The following NRXN3 variants were observed in gnomAD, a reference collection of about 807,000 sequenced individuals.
NRXN3 encodes the protein neurexin 3, also known as neurexin III.
NRXN3 carries 32 observed loss-of-function variants against 137.6 expected under a neutral mutation model. That is an observed-to-expected ratio of 0.23 (90% CI 0.18 to 0.31). The LOEUF is 0.31. NRXN3 is among the 10% of genes least tolerant of loss of function. NRXN3 has a pLI of 1.00. For synonymous variants in NRXN3, 798 were observed against 784.5 expected (o/e 1.02, Z -0.29); for missense variants, 1,574 against 2,062.5 (o/e 0.76, Z 4.59).
chr14:79,594,014 A>C (rs988346421), intron 16 of NRXN3, among the ~76,000 whole-genome samples: 1 of 152,236 alleles, frequency 6.6e-6, no homozygotes, highest in South Asian at 2.1e-4. Flanking sequence ...TTTTGAAAAA[A>C]AGCTTGAATC....
At chr14:79,088,323 T>C (rs1332053311) in intron 15 of NRXN3, among the ~76,000 whole-genome samples, 1 of 149,432 alleles carries the variant, frequency 6.7e-6, no homozygotes, top group African/African-American at 2.6e-5. Flanking sequence ...CCAGGTGAAA[T>C]GGGAGCCCTT....
intron 16 of NRXN3, among the ~76,000 whole-genome samples, chr14:79,527,871 CAAAAA>C (rs33938281): frequency 2.5e-4 from 30 of 118,384 alleles, no homozygotes; most frequent in Admixed American, 4.4e-4. Flanking sequence ...ACTCCTTCGC[CAAAAA>C]AAAAAAAAAA....
At chr14:79,781,610 T>C (rs2099114121) in intron 19 of NRXN3, among the ~76,000 whole-genome samples, 1 of 152,234 alleles carries the variant, frequency 6.6e-6, no homozygotes, top group Admixed American at 6.5e-5. Context: ...TTGATCCTGT[T>C]TTCTTTTTCA....
chr14:79,528,443 AAC>A (rs1292949327), intron 16 of NRXN3, among the ~76,000 whole-genome samples: 5 of 152,200 alleles, frequency 3.3e-5, no homozygotes, highest in Non-Finnish European at 5.9e-5. Context: ...ATGTTTGTAA[AAC>A]ACAGAGCAAA....
chr14:78,486,755 T>A (rs1166402774), intron 4 of NRXN3, among the ~76,000 whole-genome samples: 1 of 152,070 alleles, frequency 6.6e-6, no homozygotes, highest in African/African-American at 2.4e-5. Context: ...ACTTTTATGG[T>A]TTTGTCTATT....
chr14:78,205,565 C>T (rs1169937536), intron 1 of NRXN3, among the ~76,000 whole-genome samples: 1 of 152,208 alleles, frequency 6.6e-6, no homozygotes, highest in Non-Finnish European at 1.5e-5. Flanking sequence ...TGTGGCTTGG[C>T]TTAGGCCAAG....
At chr14:78,682,012 C>A (rs1046000364) in intron 6 of NRXN3, among the ~76,000 whole-genome samples, 4 of 152,016 alleles carry the variant, frequency 2.6e-5, no homozygotes, top group Non-Finnish European at 5.9e-5. Flanking sequence ...CGATTACAGG[C>A]GAGCGCCACC....
At chr14:79,691,949 C>T (rs1420787223) in intron 17 of NRXN3, among the ~76,000 whole-genome samples, 1 of 151,986 alleles carries the variant, frequency 6.6e-6, no homozygotes, top group Non-Finnish European at 1.5e-5. Flanking sequence ...GATTCCCATT[C>T]CATGCCACTT....
intron 15 of NRXN3, among the ~76,000 whole-genome samples, chr14:79,296,690 A>G (rs1173445965): frequency 6.6e-6 from 1 of 152,192 alleles, no homozygotes; most frequent in African/African-American, 2.4e-5. Context: ...ATCACTATTT[A>G]CAAGAGAAAA....
chr14:79,592,112 C>A (rs1602582481), intron 16 of NRXN3, among the ~76,000 whole-genome samples: 2 of 152,250 alleles, frequency 1.3e-5, no homozygotes, highest in Admixed American at 6.5e-5. Context: ...AACCACTGAT[C>A]TGATTTCTAT....
chr14:79,386,074 A>G (rs1476334191), intron 15 of NRXN3, among the ~76,000 whole-genome samples: 2 of 152,166 alleles, frequency 1.3e-5, no homozygotes, highest in African/African-American at 2.4e-5. Flanking sequence ...CACCACTCCT[A>G]TTCAACATGG....
intron 8 of NRXN3, among the ~76,000 whole-genome samples, chr14:78,798,526 T>C (rs1305169141): frequency 6.6e-6 from 1 of 152,152 alleles, no homozygotes; most frequent in African/African-American, 2.4e-5. Context: ...AGGTGCACAG[T>C]GCAAGCTGTC....
At chr14:78,889,838 C>A (rs1487270904) in intron 10 of NRXN3, among the ~76,000 whole-genome samples, 1 of 151,996 alleles carries the variant, frequency 6.6e-6, no homozygotes, top group Non-Finnish European at 1.5e-5. Context: ...GAAAAAGGGT[C>A]TTTGCAGATG....
chr14:78,414,072 A>T lies in NRXN3; in HGVS notation c.757+116212A>T, dbSNP rs1057482289. On this transcript the variant is annotated intron_variant, in intron 4 of 20. Coordinates refer to ENST00000335750, the MANE Select transcript of NRXN3 (RefSeq NM_001330195.2). The stretch of plus-strand genomic sequence containing the variant: ...CTCTTCCTTTGCCTTCTGCCATGAT[A>T]GTGAGGCCTCCCCAGCCATGTGGAA... Among the ~76,000 whole-genome samples the T allele has an allele frequency of 3.3e-5, 5 of 152,268 alleles. No homozygotes were observed. In the East Asian group the frequency reaches 9.7e-4, roughly 29 times the overall value.
chr14:79,065,845 G>A (rs994680489), intron 15 of NRXN3, among the ~76,000 whole-genome samples: 3 of 152,124 alleles, frequency 2.0e-5, no homozygotes, highest in African/African-American at 7.2e-5. Flanking sequence ...GGTGCAGTAT[G>A]TTCAGATTTG....
chr14:78,986,842 G>T (rs1183658797), intron 14 of NRXN3, among the ~76,000 whole-genome samples: 1 of 151,674 alleles, frequency 6.6e-6, no homozygotes, highest in African/African-American at 2.4e-5. Context: ...CCAACATGGT[G>T]AAACCCTGTC....
chr14:78,257,692 C>T (rs73310332), intron 2 of NRXN3, among the ~76,000 whole-genome samples: 1,830 of 152,262 alleles, frequency 0.012, 37 homozygotes, highest in African/African-American at 0.042. Flanking sequence ...GGGATAGTAA[C>T]GAGAGGATGA....
Position 79,261,351 on chromosome 14 carries a change from G to C in NRXN3, c.3263-205870G>C, listed in dbSNP as rs538995208. Among the ~76,000 whole-genome samples the C allele has an allele frequency of 3.2e-4, 48 of 152,276 alleles. 1 individual carries two copies. The South Asian group carries it at 7.9e-3, about 25-fold the overall frequency. The stretch of plus-strand genomic sequence containing the variant: ...TCCACAGGCGAGATCTCCTGTAAGG[G>C]AAGGAGAAAGGGACATATGCAGATT... On this transcript the variant is annotated intron_variant, in intron 15 of 20. Coordinates refer to ENST00000335750, the MANE Select transcript of NRXN3 (RefSeq NM_001330195.2).
intron 4 of NRXN3, among the ~76,000 whole-genome samples, chr14:78,457,937 G>T (rs2094798403): frequency 6.6e-6 from 1 of 152,116 alleles, no homozygotes; most frequent in Admixed American, 6.6e-5. Context: ...CACATATAGT[G>T]GAGCCTGTTA....
Sources: gnomAD v4.1 joint callset for allele counts (sites outside exome capture counted in the v4.1 genomes callset) on GRCh38, gnomAD v4.1.1 for gene constraint, MANE v1.5 for transcripts, NCBI Gene and HGNC (gene_info 2026-07-23, HGNC 2026-07-21) for gene names.